The following MSLN variants were observed in gnomAD, a reference collection of about 807,000 sequenced individuals.
The protein encoded by MSLN is mesothelin, also known as CAK1 antigen.
A neutral mutation model predicts 72.6 loss-of-function variants in MSLN; 82 were observed. The observed-to-expected ratio is 1.13, with a 90% CI of 0.94 to 1.36. The LOEUF (loss-of-function observed/expected upper bound fraction) is 1.36. Ranked by LOEUF, MSLN falls within the 40% of genes most tolerant of loss-of-function variation. The probability of loss-of-function intolerance (pLI) is 0.00; values close to 1 mark genes in which losing one functional copy is unlikely to be tolerated. For synonymous variants in MSLN, 456 were observed against 387.3 expected, an observed-to-expected ratio of 1.18 and a Z score of -2.08; for missense variants, 1,005 against 847.9, an observed-to-expected ratio of 1.19 and a Z score of -2.30.
At chr16:761,343 G>C (rs1295578840) in intron 2 of MSLN, among the ~76,000 whole-genome samples, 169 bp downstream of exon 2, 1 of 152,240 alleles carries the variant, frequency 6.6e-6, no homozygotes, top group East Asian at 1.9e-4. Context: ...CATTTGTTTG[G>C]AAGCGGCAGT....
intron 9 of MSLN, 42 bp downstream of exon 9, chr16:765,345 C>T (rs547297040): frequency 7.2e-5 from 108 of 1,504,722 alleles, no homozygotes; most frequent in Non-Finnish European, 8.4e-5. Flanking sequence ...CACCTGGCGG[C>T]GTGGTATCAG....
chr16:761,537 C>T lies in MSLN; in HGVS notation c.-10+363C>T, dbSNP rs138890243. On this transcript the variant is annotated intron_variant, in intron 2 of 17. Transcript: ENST00000545450. ...CACATGGAGCTGGGGTGGGGAGTGC[C>T]CAGGTCCCCTGTGATCCGATGGCCA... 4.2e-3 allele frequency among the ~76,000 whole-genome samples: 638 copies of T among 152,310 alleles called. 5 individuals carry two copies. The highest frequency in any genetic ancestry group is 2.8e-3 in the Non-Finnish European group (191 of 68,014).
chr16:764,288 G>C, intron 6 of MSLN, 145 bp downstream of exon 6: 3 of 1,238,738 alleles, frequency 2.4e-6, no homozygotes, highest in Non-Finnish European at 3.3e-6. Context: ...AGTTCCTCTG[G>C]CCACCCAAGC....
At chr16:763,525 G>T (rs1184133692) in intron 4 of MSLN, 117 bp from the exon 5 acceptor site, 7 of 1,079,074 alleles carry the variant, frequency 6.5e-6, no homozygotes, top group African/African-American at 1.6e-5. Flanking sequence ...CTGAGACACA[G>T]CCAGGCCTGG....
chr16:768,560 T>G lies in MSLN; in HGVS notation c.1778T>G (p.Met593Arg). The stretch of plus-strand genomic sequence containing the variant: ...GGCTACCTGGTCCTAGACCTCAGCA[T>G]GCAAGGTGGGCGGGGCGGCCAGGCC... The part of the protein sequence containing the change: ...PNGYLVLDLS[M>R]QEALSGTPCL... The change falls in exon 17 of 18, where the codon ATG (methionine) becomes AGG (arginine). Residue 593 changes from methionine to arginine, a missense_variant. Transcript: ENST00000545450. 1 of 1,606,974 alleles carries G rather than the reference T, an allele frequency of 6.2e-7. No homozygotes were observed. Among genetic ancestry groups the G allele is most frequent in the Non-Finnish European group, 8.5e-7 (1 of 1,177,134 alleles).
rs1273801082 is a variant in MSLN at position 764,008 on chromosome 16, C to T, written c.180-15C>T. ...GAGGGGCGATCGTGGGTGCCCAGCC[C>T]GACCCTTCCTGCAGCCTCTCCCCTC... On this transcript the variant is annotated splice_polypyrimidine_tract_variant and intron_variant, in intron 5 of 17. Transcript: ENST00000545450. 9 of 1,596,334 alleles carry T rather than the reference C, an allele frequency of 5.6e-6. No individual in the cohort carries two copies. Among genetic ancestry groups the T allele is most frequent in the East Asian group, 4.5e-5 (2 of 44,724 alleles).
At chr16:764,582 C>A in intron 6 of MSLN, 65 bp from the exon 7 acceptor site, 3 of 1,366,984 alleles carry the variant, frequency 2.2e-6, no homozygotes, top group Non-Finnish European at 2.1e-6. Flanking sequence ...ACTGGCCAGG[C>A]GACCCTGGCC....
chr16:767,336 G>A, intron 15 of MSLN, 40 bp from the exon 16 acceptor site: 1 of 1,558,092 alleles, frequency 6.4e-7, no homozygotes, highest in South Asian at 1.1e-5. Flanking sequence ...CTGGGGGTGT[G>A]AGGTGAGGCC....
In MSLN at chr16:764,639, C is replaced by T. The variant is rs375521023; in HGVS notation, c.301-8C>T. On this transcript the variant is annotated splice_polypyrimidine_tract_variant and splice_region_variant and intron_variant, in intron 6 of 17. Transcript: ENST00000545450. ...AAACGCTCTGTGCTGGACTCCCTGC[C>T]CCTGCAGCTGCGCTGTCTGGCTCAC... 7.4e-5 allele frequency: 119 copies of T among 1,611,872 alleles called. No individual in the cohort carries two copies. In the African/African-American group the frequency reaches 1.5e-3, roughly 20 times the overall value.
chr16:766,136 G>A lies in MSLN; in HGVS notation c.973G>A (p.Ala325Thr), dbSNP rs1252655311. 11 of 1,612,762 alleles carry A rather than the reference G, an allele frequency of 6.8e-6. No individual in the cohort carries two copies. Among genetic ancestry groups the A allele is most frequent in the Non-Finnish European group, 9.3e-6 (11 of 1,179,914 alleles). Residue 325 changes from alanine to threonine, a missense_variant, in exon 12 of 18, where the codon GCC becomes ACC. Coordinates refer to ENST00000545450, the MANE Select transcript of MSLN (RefSeq NM_005823.6). ...CTTCTACAAGAAGTGGGAGCTGGAA[G>A]CCTGCGTGGATGCGGCCCTGCTGGC... is the stretch of plus-strand genomic sequence containing the variant. ...LIFYKKWELEACVDAALLATQ... is the reference protein window; with the variant it reads ...LIFYKKWELETCVDAALLATQ...
intron 6 of MSLN, 95 bp downstream of exon 6, chr16:764,238 C>A: frequency 6.9e-7 from 1 of 1,453,746 alleles, no homozygotes; most frequent in East Asian, 2.4e-5. Context: ...ACGGTCCCCT[C>A]TGTCCCTGCT....
At position 760,774 on chromosome 16, in the gene MSLN, C is replaced by T. The variant is rs1389179306; in HGVS notation, c.-159C>T. ...TGACGGCCCGGGAGGCTGCCAGGCT[C>T]TCCACCCCCACTTCCCAATTGAGGA... On this transcript the variant is annotated 5_prime_UTR_variant, in exon 1 of 18. Transcript: ENST00000545450. The T allele has an allele frequency of 2.0e-5, 3 of 152,454 alleles. No individual in the cohort carries two copies. The East Asian group carries it at 5.8e-4, about 29-fold the overall frequency. The allele number at this position is 152,454 out of a possible 1,614,324, so 9.4% of individuals were successfully genotyped here.
At chr16:766,637 C>T in intron 13 of MSLN, 31 bp from the exon 14 acceptor site, 2 of 1,611,866 alleles carry the variant, frequency 1.2e-6, no homozygotes, top group Non-Finnish European at 1.7e-6. Flanking sequence ...TCTCTCCTTG[C>T]CACAAGGCTC....
At position 765,561 on chromosome 16, in the gene MSLN, G is replaced by T; in HGVS notation, c.739G>T (p.Ala247Ser). ...PSTWSVSTMD[A>S]LRGLLPVLGQ... ...GACATGGTCTGTCTCCACGATGGAC[G>T]CTCTGCGGGGCCTGCTGCCCGTGCT... The change falls in exon 10 of 18, where the codon GCT (alanine) becomes TCT (serine). Residue 247 changes from alanine to serine, a missense_variant. Ala to Ser is a moderately conservative substitution (Grantham distance 99). Transcript: ENST00000545450. 1.2e-6 allele frequency: 2 copies of T among 1,606,706 alleles called. No individual in the cohort carries two copies. Among genetic ancestry groups the T allele is most frequent in the Non-Finnish European group, 1.7e-6 (2 of 1,179,406 alleles).
chr16:764,538 C>G, intron 6 of MSLN, 109 bp from the exon 7 acceptor site: 1 of 954,042 alleles, frequency 1.0e-6, no homozygotes, highest in Admixed American at 1.7e-5. Flanking sequence ...CACAGATTCT[C>G]GTGGCCAGGG....
In MSLN at chr16:765,564, C is replaced by T. The variant is rs369504452; in HGVS notation, c.742C>T (p.Leu248=). 6.2e-7 allele frequency: 1 copy of T among 1,606,716 alleles called. No individual in the cohort carries two copies. Among genetic ancestry groups the T allele is most frequent in the Admixed American group, 1.7e-5 (1 of 59,978 alleles). The change falls in exon 10 of 18, where the codon CTG becomes TTG. Residue 248 remains leucine, a synonymous_variant. Transcript: ENST00000545450. ...ATGGTCTGTCTCCACGATGGACGCT[C>T]TGCGGGGCCTGCTGCCCGTGCTGGG... ...STWSVSTMDA[L]RGLLPVLGQP...
Position 766,197 on chromosome 16 carries a change from C to T in MSLN, c.1034C>T (p.Thr345Ile), listed in dbSNP as rs1257878656. 2 of 1,612,022 alleles carry T rather than the reference C, an allele frequency of 1.2e-6. No individual in the cohort carries two copies. Among genetic ancestry groups the T allele is most frequent in the Non-Finnish European group, 1.7e-6 (2 of 1,179,384 alleles). Residue 345 changes from threonine to isoleucine, a missense_variant, in exon 12 of 18, where the codon ACC (threonine) becomes ATC (isoleucine). Transcript: ENST00000545450. ...QMDRVNAIPF[T>I]YEQLDVLKHK... ...GACCGCGTGAACGCCATCCCCTTCA[C>T]CTACGAGCAGCTGGACGTCCTAAAG...
rs919179477 is a variant in MSLN, at chr16:763,051, G to A, written c.86-182G>A. Among the ~76,000 whole-genome samples the A allele has an allele frequency of 2.2e-4, 34 of 152,260 alleles. 1 individual carries two copies. The highest frequency in any genetic ancestry group is 7.2e-4 in the African/African-American group (30 of 41,566). On this transcript the variant is annotated intron_variant, in intron 3 of 17. Coordinates refer to ENST00000545450, the MANE Select transcript of MSLN (RefSeq NM_005823.6). ...AGGCCGGGCTCCCTGGTGGAGTCCC[G>A]ACCCCTGTGCCTGGGGGACTGTGAT...
chr16:762,304 C>T (rs2041545646), intron 2 of MSLN, among the ~76,000 whole-genome samples: 1 of 152,206 alleles, frequency 6.6e-6, no homozygotes, highest in African/African-American at 2.4e-5. Context: ...CGGGGCTGCT[C>T]GTCCTCCTGT....
Sources: gnomAD v4.1 joint callset for allele counts (sites outside exome capture counted in the v4.1 genomes callset) on GRCh38, gnomAD v4.1.1 for gene constraint, MANE v1.5 for transcripts, NCBI Gene and HGNC (gene_info 2026-07-23, HGNC 2026-07-21) for gene names.